Variants in ZNF37A observed in about 807,000 individuals in gnomAD.
ZNF37A encodes the protein zinc finger protein 37A, also known as zinc finger protein 37a (KOX 21).
A neutral mutation model predicts 12.3 loss-of-function variants in ZNF37A; 10 were observed. The observed-to-expected ratio is 0.82, with a 90% confidence interval of 0.50 to 1.38. The LOEUF is 1.38. Ranked by LOEUF, ZNF37A falls within the 40% of genes most tolerant of loss-of-function variation. The probability of loss-of-function intolerance (pLI) is 0.00; values close to 1 mark genes in which losing one functional copy is unlikely to be tolerated. For missense variants in ZNF37A, 580 were observed against 651.2 expected (o/e 0.89, Z 1.19); for synonymous variants, 207 against 223.0 (o/e 0.93, Z 0.64).
chr10:38,135,787 A>C (rs982420290), intron 7 of ZNF37A, among the ~76,000 whole-genome samples: 18 of 152,132 alleles, frequency 1.2e-4, no homozygotes, highest in African/African-American at 4.3e-4. Context: ...AGTTTATAAA[A>C]CCATCAAATC....
At chr10:38,115,020 T>C in intron 6 of ZNF37A, 139 bp downstream of exon 6, 1 of 1,308,540 alleles carries the variant, frequency 7.6e-7, no homozygotes. Flanking sequence ...CCCTTTTGGA[T>C]ACCAGAAAGA....
At chr10:38,109,766 C>G (rs1294080494) in intron 5 of ZNF37A, among the ~76,000 whole-genome samples, 1 of 152,074 alleles carries the variant, frequency 6.6e-6, no homozygotes, top group African/African-American at 2.4e-5. Flanking sequence ...AATAAAATAC[C>G]TAGGAATACA....
chr10:38,117,782 G>A lies in ZNF37A; in HGVS notation c.631G>A (p.Glu211Lys). The A allele has an allele frequency of 6.2e-7, 1 of 1,614,002 alleles. No homozygotes were observed. Among genetic ancestry groups the A allele is most frequent in the Non-Finnish European group, 8.5e-7 (1 of 1,179,992 alleles). Residue 211 changes from glutamate to lysine, a missense_variant, in exon 8 of 8, where the codon GAG becomes AAG. Physicochemically the swap from Glu to Lys is moderately conservative, Grantham distance 56. Coordinates refer to ENST00000685332, the MANE Select transcript of ZNF37A (RefSeq NM_001324250.3). ...YGNECGENIF[E>K]ESILLEHQSV... ...TAATGAATGTGGAGAAAATATCTTT[G>A]AGGAATCCATTCTCCTTGAACATCA...
intron 5 of ZNF37A, among the ~76,000 whole-genome samples, chr10:38,097,644 T>C (rs1338776987): frequency 2.4e-5 from 3 of 125,472 alleles, no homozygotes; most frequent in Admixed American, 8.6e-5. Flanking sequence ...TTAGGACTTA[T>C]GGTTGTTTAA....
intron 5 of ZNF37A, among the ~76,000 whole-genome samples, chr10:38,110,350 G>T (rs1321610968): frequency 6.6e-6 from 1 of 152,092 alleles, no homozygotes; most frequent in Non-Finnish European, 1.5e-5. Flanking sequence ...ATGGATTAAA[G>T]ACTTAAACCT....
intron 5 of ZNF37A, among the ~76,000 whole-genome samples, chr10:38,104,760 G>A (rs1590822844): frequency 2.0e-5 from 3 of 150,164 alleles, no homozygotes; most frequent in South Asian, 2.1e-4. Flanking sequence ...GGAAATACAT[G>A]TGTGTATGTA....
In ZNF37A at chr10:38,120,548, A is replaced by G. The variant is rs190894401; in HGVS notation, c.*1711A>G. ...ATATTTAAATGCAACTTATTGCTAT[A>G]GAAGCAAAGAGGACTAAAGGGCAAA... On this transcript the variant is annotated 3_prime_UTR_variant, in exon 8 of 8. Coordinates refer to ENST00000685332, the MANE Select transcript of ZNF37A (RefSeq NM_001324250.3). 9.8e-5 allele frequency: 15 copies of G among 152,358 alleles called. No homozygotes were observed. Among genetic ancestry groups the G allele is most frequent in the African/African-American group, 3.4e-4 (14 of 41,590 alleles). The allele number at this position is 152,358 out of a possible 1,614,324, so 9.4% of individuals were successfully genotyped here.
chr10:38,132,751 G>A (rs1194216045), intron 7 of ZNF37A, among the ~76,000 whole-genome samples: 1 of 151,818 alleles, frequency 6.6e-6, no homozygotes, highest in Non-Finnish European at 1.5e-5. Flanking sequence ...TTTCTTTATG[G>A]AGATGTAACC....
At chr10:38,105,608 A>G (rs2067998261) in intron 5 of ZNF37A, among the ~76,000 whole-genome samples, 1 of 152,216 alleles carries the variant, frequency 6.6e-6, no homozygotes. Flanking sequence ...AAGGACACTT[A>G]TCCCATTCAT....
rs1338157468 is a variant in ZNF37A at position 38,117,478 on chromosome 10, A to C, written c.327A>C (p.Glu109Asp). ...GGKCFCDEKH[E>D]IIHSEEEPSE... Reference sequence around the variant, plus strand: ...AATGTTTCTGTGATGAAAAGCATGAAATAATTCATTCTGAAGAGGAACCTT... The same window carrying C: ...AATGTTTCTGTGATGAAAAGCATGACATAATTCATTCTGAAGAGGAACCTT... The change falls in exon 8 of 8, where the codon GAA (glutamate) becomes GAC (aspartate). Residue 109 changes from glutamate (E) to aspartate (D), a missense_variant. Glu to Asp is a conservative substitution (Grantham distance 45). Transcript: ENST00000685332. 6 of 1,611,552 alleles carry C rather than the reference A, an allele frequency of 3.7e-6. No individual in the cohort carries two copies. Among genetic ancestry groups the C allele is most frequent in the Non-Finnish European group, 5.1e-6 (6 of 1,179,448 alleles).
chr10:38,111,058 C>T (rs941421091), intron 5 of ZNF37A, among the ~76,000 whole-genome samples: 1 of 152,068 alleles, frequency 6.6e-6, no homozygotes, highest in Non-Finnish European at 1.5e-5. Context: ...GCACTGTTCA[C>T]AATAGCAAAG....
chr10:38,146,507 G>C (rs1345641739), intron 7 of ZNF37A, among the ~76,000 whole-genome samples: 1 of 152,138 alleles, frequency 6.6e-6, no homozygotes, highest in Admixed American at 6.5e-5. Context: ...TGAAAAGACA[G>C]ATCCCGAGAG....
chr10:38,117,277 A>G (rs1377802316), intron 7 of ZNF37A, 113 bp from the exon 8 acceptor site: 25 of 1,472,168 alleles, frequency 1.7e-5, no homozygotes, highest in Middle Eastern at 2.2e-4. Context: ...TTGTCATAAC[A>G]TAGGTATGAG....
intron 5 of ZNF37A, among the ~76,000 whole-genome samples, chr10:38,098,855 A>G (rs60793652): frequency 0.14 from 20,756 of 152,088 alleles, 1,476 homozygotes; most frequent in Non-Finnish European, 0.16. Context: ...ATGCTATTAT[A>G]AGTGGAATTG....
rs1254478861 is a variant in ZNF37A, at chr10:38,094,411, T to G, written c.-571T>G. On this transcript the variant is annotated 5_prime_UTR_variant, in exon 1 of 8. Transcript: ENST00000685332. The stretch of plus-strand genomic sequence containing the variant: ...CTTCTGGGCATGTCTGCCATATGGC[T>G]CCAGGTTTGTTTTTCTCCCCGGCAC... 2 of 152,152 alleles carry G rather than the reference T, an allele frequency of 1.3e-5. No homozygotes were observed. Among genetic ancestry groups the G allele is most frequent in the Non-Finnish European group, 2.9e-5 (2 of 68,082 alleles). The allele number at this position is 152,152 out of a possible 1,614,324, so 9.4% of individuals were successfully genotyped here.
intron 4 of ZNF37A, 131 bp downstream of exon 4, chr10:38,095,935 C>T (rs2067114721): frequency 6.6e-6 from 1 of 152,082 alleles, no homozygotes; most frequent in South Asian, 2.1e-4. Context: ...GCCAGTAATC[C>T]CAGCACTTTG....
At position 38,118,319 on chromosome 10, in the gene ZNF37A, A is replaced by G. The variant is rs2069455728; in HGVS notation, c.1168A>G (p.Lys390Glu). The G allele has an allele frequency of 1.2e-6, 2 of 1,613,948 alleles. No homozygotes were observed. The highest frequency in any genetic ancestry group is 1.7e-5 in the Admixed American group (1 of 59,938). ...GCCCTATGAATGCTATGCATGTGGGAAAGCCTTTCTCAGAAAATCAGACCT... is the reference window on the plus strand; with the variant it reads ...GCCCTATGAATGCTATGCATGTGGGGAAGCCTTTCTCAGAAAATCAGACCT... The part of the protein sequence containing the change: ...EKPYECYACG[K>E]AFLRKSDLIK... The change falls in exon 8 of 8, where the codon AAA becomes GAA. Residue 390 changes from lysine (K) to glutamate (E), a missense_variant. Lys to Glu is a moderately conservative substitution (Grantham distance 56). Coordinates refer to ENST00000685332, the MANE Select transcript of ZNF37A (RefSeq NM_001324250.3).
At chr10:38,097,477 C>T (rs1392507530) in intron 5 of ZNF37A, among the ~76,000 whole-genome samples, 2 of 148,342 alleles carry the variant, frequency 1.3e-5, no homozygotes, top group Non-Finnish European at 3.0e-5. Context: ...AGTCAGGAGG[C>T]TGAGGCAGGA....
Position 38,117,520 on chromosome 10 carries a change from T to C in ZNF37A, c.369T>C (p.Asn123=), listed in dbSNP as rs370387893. The C allele has an allele frequency of 8.4e-5, 136 of 1,613,330 alleles. No homozygotes were observed. In the African/African-American group the frequency reaches 1.6e-3, roughly 19 times the overall value. Residue 123 remains asparagine, a synonymous_variant, in exon 8 of 8, where the codon AAT becomes AAC. Transcript: ENST00000685332. ...SEEEPSEYNK[N]GNSFWLNEDL... ...AGGAACCTTCTGAATATAATAAAAA[T>C]GGGAACAGCTTCTGGCTGAATGAAG...
Sources: gnomAD v4.1 joint callset for allele counts (sites outside exome capture counted in the v4.1 genomes callset) on GRCh38, gnomAD v4.1.1 for gene constraint, MANE v1.5 for transcripts, NCBI Gene and HGNC (gene_info 2026-07-23, HGNC 2026-07-21) for gene names.